The following PHF8 variants were observed in gnomAD, a reference collection of about 807,000 sequenced individuals.
The protein encoded by PHF8 is PHD finger protein 8, also known as histone lysine demethylase PHF8.
In PHF8, 9 loss-of-function variants were observed where a neutral mutation model predicts 74.4. The observed-to-expected ratio is 0.12, with a 90% CI of 0.07 to 0.21. The LOEUF (loss-of-function observed/expected upper bound fraction) is 0.21. Ranked by LOEUF, PHF8 falls within the 10% of genes least tolerant of loss-of-function variation. The pLI, the probability that PHF8 is intolerant of heterozygous loss-of-function variation, is 1.00. For missense variants in PHF8, 478 were observed against 816.6 expected (o/e 0.59, Z 5.05); for synonymous variants, 311 against 316.6 (o/e 0.98, Z 0.19).
In PHF8 at chrX:54,022,300, G is replaced by A; in HGVS notation, c.252C>T (p.Ser84=). 8.3e-7 allele frequency: 1 copy of A among 1,206,641 alleles called. No individual in the cohort carries two copies. Among genetic ancestry groups the A allele is most frequent in the Non-Finnish European group, 1.1e-6 (1 of 890,826 alleles). Residue 84 remains serine (S), a synonymous_variant, in exon 4 of 22, where the codon AGC becomes AGT. Transcript: ENST00000338154. ...THKGKPVKTG[S]PTFVRELRSR... ...TCCGGAGCTCTCTGACGAACGTAGGGCTCCCGGTCTTCACTGGTTTCCCCT... is the reference window on the plus strand; with the variant it reads ...TCCGGAGCTCTCTGACGAACGTAGGACTCCCGGTCTTCACTGGTTTCCCCT...
rs781992755 is a variant in PHF8, at chrX:53,964,469, A to C, written c.2444-1530T>G. Among the ~76,000 whole-genome samples the C allele has an allele frequency of 2.2e-3, 251 of 112,145 alleles. 2 individuals carry two copies. Among genetic ancestry groups the C allele is most frequent in the Non-Finnish European group, 4.2e-3 (224 of 53,254 alleles). ...AAAAGGAAAGCTATCACATACTACAACATGGATGAACATGGAAGATATTAT... is the reference window on the plus strand; with the variant it reads ...AAAAGGAAAGCTATCACATACTACACCATGGATGAACATGGAAGATATTAT... On this transcript the variant is annotated intron_variant, in intron 18 of 21. Transcript: ENST00000338154.
chrX:53,955,723 T>A (rs1235799466), intron 19 of PHF8, among the ~76,000 whole-genome samples: 1 of 109,926 alleles, frequency 9.1e-6, no homozygotes, highest in African/African-American at 3.3e-5. Context: ...ATCTTTTGAG[T>A]TAAGAACTCA....
chrX:53,937,884 G>A lies in PHF8; in HGVS notation c.*1274C>T. On this transcript the variant is annotated 3_prime_UTR_variant, in exon 22 of 22. Transcript: ENST00000338154. ...CCATCGAGTCCAGATTGCCAGTGAG[G>A]CAAGGCGGTGGGAGGTGGGGGCACT... is the stretch of plus-strand genomic sequence containing the variant. 1.4e-6 allele frequency: 1 copy of A among 713,453 alleles called. No homozygotes were observed. The highest frequency in any genetic ancestry group is 2.1e-6 in the Non-Finnish European group (1 of 473,507). 58.8% of individuals were successfully genotyped at this position (713,453 alleles called of 1,213,427 possible).
chrX:53,938,890 C>T lies in PHF8; in HGVS notation c.*268G>A, dbSNP rs1294667681. The T allele has an allele frequency of 2.5e-5, 23 of 923,733 alleles. No homozygotes were observed. Among genetic ancestry groups the T allele is most frequent in the South Asian group, 1.0e-4 (2 of 19,228 alleles). The allele number at this position is 923,733 out of a possible 1,213,427, so 76.1% of individuals were successfully genotyped here. ...AGGCAGGTGACGGGAGTGGTTTGGA[C>T]GAGTAGAAAAGAGGGTTCTAGTCAG... On this transcript the variant is annotated 3_prime_UTR_variant, in exon 22 of 22. Coordinates refer to ENST00000338154, the MANE Select transcript of PHF8 (RefSeq NM_015107.3).
intron 7 of PHF8, among the ~76,000 whole-genome samples, chrX:54,012,292 A>G (rs1305880137): frequency 8.9e-6 from 1 of 112,093 alleles, no homozygotes; most frequent in Non-Finnish European, 1.9e-5. Flanking sequence ...GGAAGGGCAG[A>G]CAGACATTCT....
intron 19 of PHF8, among the ~76,000 whole-genome samples, chrX:53,949,496 T>C (rs782797494): frequency 5.4e-5 from 6 of 110,535 alleles, no homozygotes; most frequent in Non-Finnish European, 1.1e-4. Flanking sequence ...TTTGAATAAG[T>C]ACATGGTACT....
chrX:53,974,019 G>A (rs979140511), intron 18 of PHF8, among the ~76,000 whole-genome samples: 7 of 111,272 alleles, frequency 6.3e-5, no homozygotes, highest in Non-Finnish European at 1.3e-4. Flanking sequence ...CAGCACTTTG[G>A]GGGGCTGAGG....
At chrX:54,021,550 G>A (rs1400914885) in intron 4 of PHF8, among the ~76,000 whole-genome samples, 1 of 86,864 alleles carries the variant, frequency 1.2e-5, no homozygotes, top group Non-Finnish European at 2.1e-5. Context: ...CTCACTGCAA[G>A]CTCCGCCTCC....
At chrX:54,014,319 T>A in intron 7 of PHF8, 58 bp downstream of exon 7, 1 of 778,906 alleles carries the variant, frequency 1.3e-6, no homozygotes, top group Non-Finnish European at 2.0e-6. Flanking sequence ...TGCTGCCATG[T>A]GACACGTACA....
chrX:53,992,698 C>G (rs781998622), intron 14 of PHF8, 38 bp downstream of exon 14: 3 of 821,271 alleles, frequency 3.7e-6, no homozygotes, highest in Non-Finnish European at 5.5e-6. Flanking sequence ...TTACCACTGA[C>G]AGTCCCAGTA....
intron 19 of PHF8, among the ~76,000 whole-genome samples, chrX:53,956,324 C>T (rs1003997683): frequency 9.0e-6 from 1 of 111,457 alleles, no homozygotes; most frequent in African/African-American, 3.3e-5. Flanking sequence ...CAAGAGCAGA[C>T]AGAACTTTGA....
At chrX:53,981,766 G>A (rs2065483170) in intron 18 of PHF8, among the ~76,000 whole-genome samples, 1 of 111,982 alleles carries the variant, frequency 8.9e-6, no homozygotes, top group Admixed American at 9.5e-5. Context: ...AAGTCACATA[G>A]ATTTTGAGGG....
intron 20 of PHF8, chrX:53,943,088 G>T: frequency 1.2e-6 from 1 of 819,024 alleles, no homozygotes; most frequent in Non-Finnish European, 1.5e-6. Flanking sequence ...ACAGAATTTA[G>T]CTCCTTAAAA....
chrX:53,978,319 G>A (rs1557096860), intron 18 of PHF8, among the ~76,000 whole-genome samples: 1 of 110,825 alleles, frequency 9.0e-6, no homozygotes, highest in African/African-American at 3.3e-5. Context: ...ATTTACCCTA[G>A]AAAAATGAAA....
At chrX:53,954,499 C>CAAAAAAAAAAAAAAAA (rs1180184175) in intron 19 of PHF8, among the ~76,000 whole-genome samples, 21 of 13,116 alleles carry the variant, frequency 1.6e-3, no homozygotes, top group Admixed American at 4.2e-3. Context: ...GACTCTGTCT[C>CAAAAAAAAAAAAAAAA]AAAAAAAAAA....
intron 18 of PHF8, among the ~76,000 whole-genome samples, chrX:53,984,431 G>C (rs782285555): frequency 3.5e-4 from 39 of 111,822 alleles, no homozygotes; most frequent in African/African-American, 1.2e-3. Context: ...TTACACAAGA[G>C]TGCCTGATAC....
intron 20 of PHF8, chrX:53,943,148 AC>A: frequency 1.2e-6 from 1 of 851,174 alleles, no homozygotes; most frequent in Non-Finnish European, 1.5e-6. Flanking sequence ...TTTATATAAA[AC>A]AGTAGAACCC....
upstream of PHF8, chrX:54,044,784 T>C (rs996236729): frequency 5.3e-5 from 38 of 723,776 alleles, no homozygotes; most frequent in East Asian, 1.4e-3. Flanking sequence ...TCTCCTCCTA[T>C]GAGAGGAGGT....
In PHF8 at chrX:53,938,748, C is replaced by T; in HGVS notation, c.*410G>A. 5.2e-6 allele frequency: 4 copies of T among 768,846 alleles called. No individual in the cohort carries two copies. The South Asian group carries it at 2.6e-4, about 50-fold the overall frequency. 63.4% of individuals were successfully genotyped at this position (768,846 alleles called of 1,213,427 possible). A position where few individuals can be genotyped will look rare whatever the true frequency, so the allele number is the denominator to read the frequency against. On this transcript the variant is annotated 3_prime_UTR_variant, in exon 22 of 22. Coordinates refer to ENST00000338154, the MANE Select transcript of PHF8 (RefSeq NM_015107.3). ...GGTGGGCAGGCTTCTGGATATAGGG[C>T]TAGAGTTGCAGAAAGTGTCAAGCAC... is the stretch of plus-strand genomic sequence containing the variant.
Sources: gnomAD v4.1 joint callset for allele counts (sites outside exome capture counted in the v4.1 genomes callset) on GRCh38, gnomAD v4.1.1 for gene constraint, MANE v1.5 for transcripts, NCBI Gene and HGNC (gene_info 2026-07-23, HGNC 2026-07-21) for gene names.